Variants in SH3GLB2 observed in about 807,000 individuals in gnomAD.
SH3GLB2 encodes SH3 domain containing GRB2 like, endophilin B2, also known as endophilin-B2.
In SH3GLB2, 24 loss-of-function variants were observed where a neutral mutation model predicts 48.0. The ratio of observed to expected loss-of-function variants is 0.50; its 90% CI spans 0.36 to 0.70. SH3GLB2 has a LOEUF of 0.70. Among genes scored for constraint, SH3GLB2 ranks in the 30% least tolerant of loss-of-function variants. The pLI, the probability that SH3GLB2 is intolerant of heterozygous loss-of-function variation, is 0.00. For missense variants in SH3GLB2, 425 were observed against 516.0 expected (o/e 0.82, Z 1.71); for synonymous variants, 227 against 207.6 (o/e 1.09, Z -0.80).
In SH3GLB2 at chr9:129,010,129, A is replaced by G. The variant is rs1357100350; in HGVS notation, c.729T>C (p.Ser243=). 1.9e-6 allele frequency: 3 copies of G among 1,613,616 alleles called. No homozygotes were observed. Among genetic ancestry groups the G allele is most frequent in the Non-Finnish European group, 2.5e-6 (3 of 1,179,768 alleles). The change falls in exon 8 of 11, where the codon AGT becomes AGC. Residue 243 remains serine, a synonymous_variant. Coordinates refer to ENST00000372564, the MANE Select transcript of SH3GLB2 (RefSeq NM_020145.4). ...GGGCAGTGGGACTCACGTGAGTGCTACTGATTCCCTCCAGCAAGAGACGGG... is the reference window on the plus strand; with the variant it reads ...GGGCAGTGGGACTCACGTGAGTGCTGCTGATTCCCTCCAGCAAGAGACGGG... ...EVTRLLLEGI[S]STHVNHLRCL...
intron 1 of SH3GLB2, among the ~76,000 whole-genome samples, chr9:129,025,933 A>T (rs1451118547): frequency 6.6e-6 from 1 of 152,042 alleles, no homozygotes. Flanking sequence ...TACCACTACT[A>T]TTACTGTTAC....
chr9:129,013,039 G>T, intron 5 of SH3GLB2: 1 of 1,551,188 alleles, frequency 6.4e-7, no homozygotes, highest in Non-Finnish European at 8.7e-7. Flanking sequence ...GTTACCCAAA[G>T]CAGGACGGAA....
Position 129,009,284 on chromosome 9 carries a change from G to C in SH3GLB2, c.902C>G (p.Pro301Arg). ...PASPPLSSTS[P>R]TTAAATMPVV... The stretch of plus-strand genomic sequence containing the variant: ...AGGCATAGTGGCCGCAGCAGTGGTG[G>C]GTGAGGTGCTGCTCAGGGGTGGGGA... The change falls in exon 10 of 11, where the codon CCC becomes CGC. Residue 301 changes from proline to arginine, a missense_variant. Physicochemically the swap from Pro to Arg is moderately radical, Grantham distance 103. Transcript: ENST00000372564. The C allele has an allele frequency of 6.4e-7, 1 of 1,560,700 alleles. No individual in the cohort carries two copies. Among genetic ancestry groups the C allele is most frequent in the Non-Finnish European group, 8.7e-7 (1 of 1,151,714 alleles).
chr9:129,007,436 CT>C lies in SH3GLB2; in HGVS notation c.*1247del, dbSNP rs1394345768. On this transcript the variant is annotated 3_prime_UTR_variant, in exon 11 of 11. Coordinates refer to ENST00000372564, the MANE Select transcript of SH3GLB2 (RefSeq NM_020145.4). ...TGCCCCCGTCATCCCCCGATCCCCT[CT>C]TCAGAAGCCCCAACAGTGGGGCCTA... 1 of 152,206 alleles carries C rather than the reference CT, an allele frequency of 6.6e-6. No individual in the cohort carries two copies. Among genetic ancestry groups the C allele is most frequent in the Non-Finnish European group, 1.5e-5 (1 of 68,048 alleles). The allele number at this position is 152,206 out of a possible 1,614,324, so 9.4% of individuals were successfully genotyped here.
At chr9:129,008,868 C>G in intron 10 of SH3GLB2, 77 bp from the exon 11 acceptor site, 2 of 1,410,226 alleles carry the variant, frequency 1.4e-6, no homozygotes, top group East Asian at 2.3e-5. Flanking sequence ...GGGGACAGAG[C>G]TGCCACCTCC....
chr9:129,027,795 C>T (rs576591737), intron 1 of SH3GLB2, among the ~76,000 whole-genome samples: 1 of 152,368 alleles, frequency 6.6e-6, no homozygotes, highest in African/African-American at 2.4e-5. Flanking sequence ...AGCACCCAGC[C>T]GGTGCCTCCT....
chr9:129,027,028 A>G (rs1161009767), intron 1 of SH3GLB2, among the ~76,000 whole-genome samples: 1 of 152,122 alleles, frequency 6.6e-6, no homozygotes, highest in African/African-American at 2.4e-5. Context: ...CAGAAACAAC[A>G]ACGATGACAA....
At chr9:129,019,459 A>G (rs538119817) in intron 3 of SH3GLB2, among the ~76,000 whole-genome samples, 2 of 151,930 alleles carry the variant, frequency 1.3e-5, no homozygotes, top group African/African-American at 4.9e-5. Context: ...TTATCCCAGC[A>G]CTTTGGGAGG....
In SH3GLB2 at chr9:129,010,829, G is replaced by A. The variant is rs1843077804; in HGVS notation, c.625-136C>T. ...CCTCTGCCCCCCCTCCCAAACAGGA[G>A]CTGAGACTGGGCCGAGGCCCGGCAT... On this transcript the variant is annotated intron_variant, in intron 6 of 10. Transcript: ENST00000372564. 8 of 1,107,380 alleles carry A rather than the reference G, an allele frequency of 7.2e-6. No individual in the cohort carries two copies. The Admixed American group carries it at 1.9e-4, about 26-fold the overall frequency. 68.6% of individuals were successfully genotyped at this position (1,107,380 alleles called of 1,614,324 possible).
chr9:129,020,638 C>T (rs182419604), intron 3 of SH3GLB2, among the ~76,000 whole-genome samples: 30 of 151,694 alleles, frequency 2.0e-4, no homozygotes, highest in Non-Finnish European at 3.2e-4. Flanking sequence ...GAGGCATAGG[C>T]GGGCAGATCA....
At position 129,028,294 on chromosome 9, in the gene SH3GLB2, C is replaced by G. The variant is rs1844291078; in HGVS notation, c.-140G>C. The stretch of plus-strand genomic sequence containing the variant: ...CCCGCCTGCCGGCCTGCCCGCCTGC[C>G]CGCCCGCCGCAGCCGCCGAGCCAGC... On this transcript the variant is annotated 5_prime_UTR_variant, in exon 1 of 11. Transcript: ENST00000372564. 4 of 459,232 alleles carry G rather than the reference C, an allele frequency of 8.7e-6. No homozygotes were observed. In the South Asian group the frequency reaches 3.4e-4, roughly 39 times the overall value. 28.4% of individuals were successfully genotyped at this position (459,232 alleles called of 1,614,324 possible).
In SH3GLB2 at chr9:129,009,873, T is replaced by A; in HGVS notation, c.739-2A>T. On this transcript the variant is annotated splice_acceptor_variant, in intron 8 of 10. Coordinates refer to ENST00000372564, the MANE Select transcript of SH3GLB2 (RefSeq NM_020145.4). LOFTEE classifies it high-confidence loss of function. Reference sequence around the variant, plus strand: ...GTGGAGGCAGCGCAGGTGGTTCACCTGCGGGGAAGAGGCCAGAGGCTGACT... The same window carrying A: ...GTGGAGGCAGCGCAGGTGGTTCACCAGCGGGGAAGAGGCCAGAGGCTGACT... 6.2e-7 allele frequency: 1 copy of A among 1,613,150 alleles called. No individual in the cohort carries two copies. The highest frequency in any genetic ancestry group is 8.5e-7 in the Non-Finnish European group (1 of 1,179,554).
In SH3GLB2 at chr9:129,021,912, T is replaced by C. The variant is rs143636306; in HGVS notation, c.205+370A>G. ...AGGCAAGGGTTGCAGTGAGCCAAGA[T>C]TGCACCATTGCACTCCAGAATGGGT... On this transcript the variant is annotated intron_variant, in intron 2 of 10. Transcript: ENST00000372564. Among the ~76,000 whole-genome samples, 706 of 149,758 alleles carry C rather than the reference T, an allele frequency of 4.7e-3. 13 individuals carry two copies. Among genetic ancestry groups the C allele is most frequent in the African/African-American group, 0.016 (653 of 40,452 alleles).
intron 5 of SH3GLB2, chr9:129,013,986 G>C (rs1286085594): frequency 4.3e-6 from 2 of 462,810 alleles, no homozygotes; most frequent in African/African-American, 4.0e-5. Context: ...CAGCTCCCAG[G>C]TTTTCCACAC....
At position 129,014,118 on chromosome 9, in the gene SH3GLB2, C is replaced by A; in HGVS notation, c.561+293G>T. Reference sequence around the variant, plus strand: ...GGACAGAGCCGAGCATCTAGGAGGGCAGGGCAGGGCATGCAGGAGACTCCA... The same window carrying A: ...GGACAGAGCCGAGCATCTAGGAGGGAAGGGCAGGGCATGCAGGAGACTCCA... On this transcript the variant is annotated intron_variant, in intron 5 of 10. Transcript: ENST00000372564. This position sits in a 1 kb window ranked among gnomAD's most constrained non-coding sequence, Gnocchi z 4.1. 1 of 619,090 alleles carries A rather than the reference C, an allele frequency of 1.6e-6. No homozygotes were observed. The highest frequency in any genetic ancestry group is 3.0e-6 in the Non-Finnish European group (1 of 332,598). The allele number at this position is 619,090 out of a possible 1,614,324, so 38.3% of individuals were successfully genotyped here. A position where few individuals can be genotyped will look rare whatever the true frequency, so the allele number is the denominator to read the frequency against.
chr9:129,016,427 G>T (rs1029042360), intron 3 of SH3GLB2, among the ~76,000 whole-genome samples: 14 of 149,872 alleles, frequency 9.3e-5, no homozygotes, highest in African/African-American at 3.4e-4. Context: ...TTGGAAGGCT[G>T]AGGCAGGCGG....
intron 5 of SH3GLB2, chr9:129,012,670 C>T: frequency 2.1e-6 from 1 of 480,120 alleles, no homozygotes; most frequent in Non-Finnish European, 3.7e-6. Flanking sequence ...GCAAACACAG[C>T]CCACCCCCAA....
intron 3 of SH3GLB2, among the ~76,000 whole-genome samples, chr9:129,018,290 T>G (rs1189392030): frequency 6.6e-6 from 1 of 152,154 alleles, no homozygotes; most frequent in African/African-American, 2.4e-5. Context: ...AAAGTTAAAT[T>G]AAATTGGCTG....
chr9:129,022,552 C>G, intron 1 of SH3GLB2, 129 bp from the exon 2 acceptor site: 1 of 764,752 alleles, frequency 1.3e-6, no homozygotes, highest in Non-Finnish European at 2.1e-6. Context: ...GTCAAGGAAC[C>G]AGCCCTGAGT....
Sources: allele counts gnomAD v4.1 joint callset (sites outside exome capture counted in the v4.1 genomes callset), GRCh38; gene constraint gnomAD v4.1.1; non-coding constraint Gnocchi (gnomAD v3.1); transcripts MANE v1.5; gene names NCBI Gene and HGNC (gene_info 2026-07-23, HGNC 2026-07-21).